Variants in PAK5 observed in about 807,000 individuals in gnomAD.
The protein encoded by PAK5 is serine/threonine-protein kinase PAK 5.
In PAK5, 16 loss-of-function variants were observed where a neutral mutation model predicts 65.9. That is an observed-to-expected ratio of 0.24 (90% CI 0.16 to 0.37). The LOEUF is 0.37. PAK5 is among the 10% of genes least tolerant of loss of function. The pLI is 1.00. For synonymous variants in PAK5, 371 were observed against 354.9 expected (o/e 1.05, Z -0.51); for missense variants, 785 against 903.9 (o/e 0.87, Z 1.69).
intron 1 of PAK5, among the ~76,000 whole-genome samples, chr20:9,727,004 G>A (rs1347087146): frequency 2.6e-5 from 4 of 152,116 alleles, no homozygotes; most frequent in East Asian, 1.9e-4. Flanking sequence ...TTTAAATCTA[G>A]TGCAGTTCCT....
intron 2 of PAK5, among the ~76,000 whole-genome samples, chr20:9,695,987 T>C (rs2047864017): frequency 6.6e-6 from 1 of 152,040 alleles, no homozygotes; most frequent in African/African-American, 2.4e-5. Flanking sequence ...CAAGTGAAAT[T>C]AGTTTTAATA....
At chr20:9,821,473 GC>G (rs1234294886) in intron 1 of PAK5, among the ~76,000 whole-genome samples, 3 of 152,194 alleles carry the variant, frequency 2.0e-5, no homozygotes, top group African/African-American at 7.2e-5. Context: ...ATACTTTGTA[GC>G]CTGCCTAACC....
intron 4 of PAK5, chr20:9,577,675 C>T (rs925326491): frequency 2.0e-5 from 3 of 152,168 alleles, no homozygotes; most frequent in Non-Finnish European, 4.4e-5. Flanking sequence ...ATCAAGTGAA[C>T]GTTTTAATTA....
chr20:9,551,325 T>C (rs1268096069), intron 7 of PAK5, among the ~76,000 whole-genome samples: 1 of 152,198 alleles, frequency 6.6e-6, no homozygotes, highest in Non-Finnish European at 1.5e-5. Flanking sequence ...ACTAATGCAG[T>C]TAGGCTAAGA....
At chr20:9,561,232 C>T (rs1452806335) in intron 6 of PAK5, among the ~76,000 whole-genome samples, 2 of 152,126 alleles carry the variant, frequency 1.3e-5, no homozygotes, top group Non-Finnish European at 2.9e-5. Context: ...TAGGGACAGA[C>T]TGTCTTGAGT....
intron 1 of PAK5, among the ~76,000 whole-genome samples, chr20:9,774,873 G>A (rs1455738314): frequency 6.6e-6 from 1 of 152,022 alleles, no homozygotes; most frequent in Non-Finnish European, 1.5e-5. Context: ...GGAGAATAGC[G>A]TGAACCCAGG....
At position 9,562,860 on chromosome 20, in the gene PAK5, C is replaced by T. The variant is rs2045612725; in HGVS notation, c.1616+31G>A. 3.1e-6 allele frequency: 5 copies of T among 1,598,150 alleles called. No homozygotes were observed. In the African/African-American group the frequency reaches 4.1e-5, roughly 13 times the overall value. ...TATCCTGGAGAAGAATAAGAAGCACCTCGAATTCTCTGGATAATAAAGAAG... is the reference window on the plus strand; with the variant it reads ...TATCCTGGAGAAGAATAAGAAGCACTTCGAATTCTCTGGATAATAAAGAAG... On this transcript the variant is annotated intron_variant, in intron 6 of 9. Transcript: ENST00000353224.
intron 1 of PAK5, among the ~76,000 whole-genome samples, chr20:9,770,854 C>G (rs2048825040): frequency 6.6e-6 from 1 of 152,092 alleles, no homozygotes; most frequent in Non-Finnish European, 1.5e-5. Flanking sequence ...AGTTGGACAT[C>G]AAGTTGTCAA....
intron 7 of PAK5, among the ~76,000 whole-genome samples, chr20:9,556,526 G>A (rs1284672848): frequency 6.6e-6 from 1 of 152,202 alleles, no homozygotes; most frequent in Non-Finnish European, 1.5e-5. Flanking sequence ...GGAATGGTTG[G>A]CTCCATTCAT....
chr20:9,538,387 T>C lies in PAK5; in HGVS notation c.*1075A>G, dbSNP rs1401048353. On this transcript the variant is annotated 3_prime_UTR_variant, in exon 10 of 10. Transcript: ENST00000353224. ...TACAAAGGTAAATATAGACAAGAGT[T>C]TGGTGTGCTAGCATACAGAGTTTTA... The C allele has an allele frequency of 8.6e-6, 2 of 233,496 alleles. No individual in the cohort carries two copies. Among genetic ancestry groups the C allele is most frequent in the Non-Finnish European group, 1.7e-5 (2 of 118,026 alleles). 14.5% of individuals were successfully genotyped at this position (233,496 alleles called of 1,614,324 possible).
chr20:9,637,801 TAAAAAG>T (rs1042840374), intron 3 of PAK5, among the ~76,000 whole-genome samples: 4 of 152,194 alleles, frequency 2.6e-5, no homozygotes, highest in African/African-American at 9.7e-5. Flanking sequence ...ACCTGAAAAT[TAAAAAG>T]AAATATGAAG....
chr20:9,724,243 T>C (rs368696374), intron 1 of PAK5, among the ~76,000 whole-genome samples: 7 of 152,200 alleles, frequency 4.6e-5, no homozygotes, highest in African/African-American at 7.2e-5. Flanking sequence ...TACCAAAGTA[T>C]GATATTTTTA....
At chr20:9,709,842 T>C (rs1378430258) in intron 2 of PAK5, among the ~76,000 whole-genome samples, 1 of 152,214 alleles carries the variant, frequency 6.6e-6, no homozygotes, top group African/African-American at 2.4e-5. Flanking sequence ...TGTTGGCTTC[T>C]TGCAAATTTG....
chr20:9,682,800 AG>A (rs1028905885), intron 2 of PAK5, among the ~76,000 whole-genome samples: 2 of 152,202 alleles, frequency 1.3e-5, no homozygotes, highest in African/African-American at 4.8e-5. Context: ...AGGAGGCAAG[AG>A]GGGGTTGCCA....
At chr20:9,713,361 TAAC>T (rs913731345) in intron 1 of PAK5, among the ~76,000 whole-genome samples, 15 of 151,346 alleles carry the variant, frequency 9.9e-5, no homozygotes, top group Admixed American at 7.2e-4. Context: ...GAAAAAAAAA[TAAC>T]AAATGCTGGC....
intron 2 of PAK5, among the ~76,000 whole-genome samples, chr20:9,649,069 C>G (rs921630544): frequency 1.3e-5 from 2 of 152,124 alleles, no homozygotes; most frequent in African/African-American, 4.8e-5. Context: ...TGTTTCAGTA[C>G]AGAAAGTTAC....
At chr20:9,782,728 C>T (rs2048953686) in intron 1 of PAK5, among the ~76,000 whole-genome samples, 1 of 151,868 alleles carries the variant, frequency 6.6e-6, no homozygotes, top group Non-Finnish European at 1.5e-5. Context: ...GAAAACAGCT[C>T]CTGCTCTTAA....
At chr20:9,806,760 A>T (rs1384288738) in intron 1 of PAK5, among the ~76,000 whole-genome samples, 3 of 152,190 alleles carry the variant, frequency 2.0e-5, no homozygotes, top group Non-Finnish European at 4.4e-5. Context: ...GCTAGCTATT[A>T]TTATTCATAT....
chr20:9,565,986 T>A lies in PAK5; in HGVS notation c.1389A>T (p.Val463=), dbSNP rs1307465174. 1 of 1,584,788 alleles carries A rather than the reference T, an allele frequency of 6.3e-7. No homozygotes were observed. Among genetic ancestry groups the A allele is most frequent in the Non-Finnish European group, 8.6e-7 (1 of 1,165,792 alleles). The change falls in exon 5 of 10, where the codon GTA becomes GTT. Residue 463 remains valine (V), a synonymous_variant. Coordinates refer to ENST00000353224, the MANE Select transcript of PAK5 (RefSeq NM_177990.4). The part of the protein sequence containing the change: ...IKIGEGSTGI[V]CIATEKHTGK... ...CTGTGTGTTTCTCGGTGGCGATGCA[T>A]ACGATGCCGGTTGAGCCTTCCCCGA...
Sources: gnomAD v4.1 joint callset for allele counts (sites outside exome capture counted in the v4.1 genomes callset) on GRCh38, gnomAD v4.1.1 for gene constraint, MANE v1.5 for transcripts, NCBI Gene and HGNC (gene_info 2026-07-23, HGNC 2026-07-21) for gene names.